CDK14: variants seen among roughly 807,000 people sequenced by gnomAD.
CDK14 encodes cyclin-dependent kinase 14.
In CDK14, 34 loss-of-function variants were observed where a neutral mutation model predicts 60.7. The observed-to-expected ratio is 0.56, with a 90% CI of 0.43 to 0.75. The LOEUF is 0.75. Among genes scored for constraint, CDK14 ranks in the 30% least tolerant of loss-of-function variants. CDK14 has a pLI of 0.00. For missense variants in CDK14, 482 were observed against 564.1 expected (o/e 0.85, Z 1.47); for synonymous variants, 197 against 203.7 (o/e 0.97, Z 0.28).
intron 14 of CDK14, among the ~76,000 whole-genome samples, chr7:91,175,106 C>G (rs1208609662): frequency 7.4e-5 from 11 of 148,068 alleles, no homozygotes; most frequent in Admixed American, 4.0e-4. Flanking sequence ...AACAGCGGAT[C>G]TCTCGGCAGA....
At chr7:90,623,158 A>G (rs1319309440) in intron 2 of CDK14, among the ~76,000 whole-genome samples, 1 of 151,120 alleles carries the variant, frequency 6.6e-6, no homozygotes, top group Non-Finnish European at 1.5e-5. Flanking sequence ...TTCTTTATAG[A>G]GTTTGTGATC....
chr7:90,716,390 C>A (rs1010613169), intron 2 of CDK14: 1 of 152,052 alleles, frequency 6.6e-6, no homozygotes, highest in African/African-American at 2.4e-5. Context: ...ACCAAATAAA[C>A]CCTAGTAAGT....
intron 5 of CDK14, among the ~76,000 whole-genome samples, chr7:90,793,146 C>T (rs1405859073): frequency 6.6e-6 from 1 of 152,166 alleles, no homozygotes; most frequent in Non-Finnish European, 1.5e-5. Context: ...TTGTTCACTG[C>T]TGTACCCTCA....
intron 10 of CDK14, among the ~76,000 whole-genome samples, chr7:91,037,852 T>G (rs1477369717): frequency 6.6e-6 from 1 of 152,242 alleles, no homozygotes; most frequent in East Asian, 1.9e-4. Flanking sequence ...CTTATTTAGT[T>G]TTTGTTTTAA....
intron 11 of CDK14, among the ~76,000 whole-genome samples, chr7:91,069,556 A>T (rs1798077133): frequency 6.6e-6 from 1 of 152,150 alleles, no homozygotes; most frequent in African/African-American, 2.4e-5. Flanking sequence ...ATTTAAATTT[A>T]AAAAAAGCAG....
intron 6 of CDK14, among the ~76,000 whole-genome samples, chr7:90,895,763 A>G (rs1440700217): frequency 2.2e-4 from 26 of 120,702 alleles, no homozygotes; most frequent in Non-Finnish European, 3.7e-4. Context: ...TTTAGTAGAG[A>G]TGGGGTTTTG....
intron 12 of CDK14, among the ~76,000 whole-genome samples, chr7:91,092,013 T>C (rs1166705671): frequency 2.6e-5 from 4 of 152,120 alleles, no homozygotes; most frequent in Admixed American, 1.3e-4. Context: ...CCCCAGATGA[T>C]ACTCAATGTG....
At chr7:91,128,688 C>G (rs1025779212) in intron 14 of CDK14, among the ~76,000 whole-genome samples, 1 of 151,102 alleles carries the variant, frequency 6.6e-6, no homozygotes, top group Non-Finnish European at 1.5e-5. Flanking sequence ...GTAAGAAGCC[C>G]TTACCGTAAA....
intron 5 of CDK14, among the ~76,000 whole-genome samples, chr7:90,815,409 C>G (rs992053522): frequency 6.6e-6 from 1 of 152,160 alleles, no homozygotes; most frequent in African/African-American, 2.4e-5. Flanking sequence ...ATTAAAAAGT[C>G]AGGGAACAAC....
At chr7:91,001,456 T>G (rs1052195138) in intron 10 of CDK14, among the ~76,000 whole-genome samples, 6 of 152,338 alleles carry the variant, frequency 3.9e-5, no homozygotes, top group African/African-American at 1.2e-4. Context: ...ATGAAGAGAT[T>G]TTATCCACGC....
chr7:90,813,436 G>A (rs1411580048), intron 5 of CDK14, among the ~76,000 whole-genome samples: 1 of 152,202 alleles, frequency 6.6e-6, no homozygotes, highest in African/African-American at 2.4e-5. Context: ...TTATACTTCA[G>A]TAAAATTGTT....
chr7:90,693,383 C>T (rs1801594768), intron 2 of CDK14, among the ~76,000 whole-genome samples: 2 of 152,192 alleles, frequency 1.3e-5, no homozygotes, highest in Non-Finnish European at 2.9e-5. Context: ...AGGTTAGCAC[C>T]TACTAGGTAA....
rs550436648 is a variant in CDK14 at position 90,832,631 on chromosome 7, A to G, written c.545-30544A>G. 5.0e-4 allele frequency among the ~76,000 whole-genome samples: 76 copies of G among 152,326 alleles called. 1 individual carries two copies. The South Asian group carries it at 0.016, about 31-fold the overall frequency. On this transcript the variant is annotated intron_variant, in intron 5 of 14. Coordinates refer to ENST00000380050, the MANE Select transcript of CDK14 (RefSeq NM_001287135.2). ...TTTAAAAGAGTCAATCAGCATGGAAAAAATGAACATATTGTTAAATATTGA... is the reference window on the plus strand; with the variant it reads ...TTTAAAAGAGTCAATCAGCATGGAAGAAATGAACATATTGTTAAATATTGA...
At chr7:91,002,395 G>A (rs1795864942) in intron 10 of CDK14, among the ~76,000 whole-genome samples, 1 of 151,984 alleles carries the variant, frequency 6.6e-6, no homozygotes, top group African/African-American at 2.4e-5. Context: ...ATGCCTTTAT[G>A]TTCTGAATGT....
intron 2 of CDK14, among the ~76,000 whole-genome samples, chr7:90,671,504 G>A (rs1801097813): frequency 1.3e-5 from 2 of 152,182 alleles, no homozygotes; most frequent in South Asian, 4.2e-4. Context: ...CTTTGCAGTG[G>A]CACTCAAAAT....
At chr7:90,813,956 G>A (rs1037415373) in intron 5 of CDK14, among the ~76,000 whole-genome samples, 5 of 152,126 alleles carry the variant, frequency 3.3e-5, no homozygotes, top group East Asian at 1.9e-4. Flanking sequence ...TTAAAATACC[G>A]ATTTATAGGT....
intron 5 of CDK14, among the ~76,000 whole-genome samples, chr7:90,796,802 A>T (rs6465288): frequency 0.44 from 66,234 of 150,990 alleles, 15,452 homozygotes; most frequent in East Asian, 0.82. Context: ...GTGGGAGTGC[A>T]GCTCACAAGA....
At position 91,088,847 on chromosome 7, in the gene CDK14, A is replaced by G. The variant is rs1200574377; in HGVS notation, c.1154+9367A>G. Among the ~76,000 whole-genome samples, 4 of 152,218 alleles carry G rather than the reference A, an allele frequency of 2.6e-5. No homozygotes were observed. In the East Asian group the frequency reaches 7.7e-4, roughly 29 times the overall value. On this transcript the variant is annotated intron_variant, in intron 12 of 14. Transcript: ENST00000380050. ...TTCCTGCAATAGAAAACATTTGATCATAAATTCAATTAAATCAGCCATCAT... is the reference window on the plus strand; with the variant it reads ...TTCCTGCAATAGAAAACATTTGATCGTAAATTCAATTAAATCAGCCATCAT...
intron 4 of CDK14, among the ~76,000 whole-genome samples, chr7:90,779,137 C>G (rs1805192567): frequency 6.6e-6 from 1 of 152,000 alleles, no homozygotes; most frequent in South Asian, 2.1e-4. Context: ...CCTGTAATCT[C>G]AGTTACTCGG....
Sources: allele counts gnomAD v4.1 joint callset (sites outside exome capture counted in the v4.1 genomes callset), GRCh38; gene constraint gnomAD v4.1.1; transcripts MANE v1.5; gene names NCBI Gene and HGNC (gene_info 2026-07-23, HGNC 2026-07-21).